The following SPRED2 variants were observed in gnomAD, a reference collection of about 807,000 sequenced individuals.
The protein encoded by SPRED2 is sprouty related EVH1 domain containing 2.
Under a neutral mutation model 43.0 loss-of-function variants are expected in SPRED2, and 47 were observed. The ratio of observed to expected loss-of-function variants is 1.09; its 90% CI spans 0.87 to 1.40. The LOEUF (loss-of-function observed/expected upper bound fraction) is 1.40. Among genes scored for constraint, SPRED2 ranks in the 40% most tolerant of loss-of-function variants. The probability of loss-of-function intolerance (pLI) is 0.00; values close to 1 mark genes in which losing one functional copy is unlikely to be tolerated. For missense variants in SPRED2, 561 were observed against 586.4 expected, an observed-to-expected ratio of 0.96 and a Z score of 0.45; for synonymous variants, 225 against 225.7, an observed-to-expected ratio of 1.00 and a Z score of 0.03.
At chr2:65,315,396 A>G (rs145596071) in intron 5 of SPRED2, among the ~76,000 whole-genome samples, 1 of 152,302 alleles carries the variant, frequency 6.6e-6, no homozygotes, top group East Asian at 1.9e-4. Flanking sequence ...CATCACAGTC[A>G]TTATCATATT....
chr2:65,378,434 C>A (rs1224598604), intron 1 of SPRED2, among the ~76,000 whole-genome samples: 3 of 152,168 alleles, frequency 2.0e-5, no homozygotes, highest in Non-Finnish European at 4.4e-5. Context: ...CAGTCCACCC[C>A]CTCCATACAA....
intron 1 of SPRED2, among the ~76,000 whole-genome samples, chr2:65,349,738 G>A (rs1273106949): frequency 1.3e-5 from 2 of 152,332 alleles, no homozygotes; most frequent in East Asian, 1.9e-4. Context: ...ACCCTTCTGT[G>A]TCCAGACTAC....
intron 5 of SPRED2, among the ~76,000 whole-genome samples, chr2:65,315,964 G>A (rs1673220854): frequency 6.6e-6 from 1 of 152,204 alleles, no homozygotes; most frequent in Non-Finnish European, 1.5e-5. Flanking sequence ...GGCCAATAAT[G>A]TGATTTTTAA....
At chr2:65,431,776 G>A (rs544845689) in intron 1 of SPRED2, among the ~76,000 whole-genome samples, 186 bp downstream of exon 1, 13 of 152,296 alleles carry the variant, frequency 8.5e-5, no homozygotes, top group East Asian at 7.8e-4. Context: ...CCGCCAGCCC[G>A]CAGCAGTTTT....
At chr2:65,342,166 A>G (rs12471377) in intron 2 of SPRED2, among the ~76,000 whole-genome samples, 186 of 147,498 alleles carry the variant, frequency 1.3e-3, no homozygotes, top group African/African-American at 1.8e-3. Flanking sequence ...TTTTATATAC[A>G]TATATTATGT....
At chr2:65,367,732 C>T (rs886496139) in intron 1 of SPRED2, among the ~76,000 whole-genome samples, 7 of 152,182 alleles carry the variant, frequency 4.6e-5, no homozygotes, top group Non-Finnish European at 8.8e-5. Flanking sequence ...GGACACAAGC[C>T]CTGGCTTCAT....
At chr2:65,413,747 T>TG (rs1304004054) in intron 1 of SPRED2, among the ~76,000 whole-genome samples, 5 of 152,184 alleles carry the variant, frequency 3.3e-5, no homozygotes, top group Admixed American at 6.5e-5. Context: ...TTTCAGTCCC[T>TG]GGGGGGTCTG....
intron 1 of SPRED2, among the ~76,000 whole-genome samples, chr2:65,388,692 C>G: frequency 6.6e-6 from 1 of 151,970 alleles, no homozygotes; most frequent in East Asian, 1.9e-4. Context: ...TGGTGAAAAG[C>G]AATTTTTCCC....
At chr2:65,361,698 C>T (rs557794137) in intron 1 of SPRED2, among the ~76,000 whole-genome samples, 8 of 152,288 alleles carry the variant, frequency 5.3e-5, no homozygotes, top group African/African-American at 1.9e-4. Context: ...TTACTCAAAG[C>T]AGGGAAAAAG....
At chr2:65,375,948 C>T (rs1266071933) in intron 1 of SPRED2, among the ~76,000 whole-genome samples, 1 of 152,158 alleles carries the variant, frequency 6.6e-6, no homozygotes, top group African/African-American at 2.4e-5. Context: ...GGGACCAGTT[C>T]AGCTCAGAGA....
At chr2:65,307,811 A>G (rs1186437419), downstream of SPRED2, among the ~76,000 whole-genome samples, 2 of 152,180 alleles carry the variant, frequency 1.3e-5, no homozygotes, top group Non-Finnish European at 2.9e-5. Flanking sequence ...CCTTCATTCC[A>G]TGCACCTAGT....
chr2:65,346,186 C>T (rs1003215444), intron 1 of SPRED2, among the ~76,000 whole-genome samples: 8 of 152,096 alleles, frequency 5.3e-5, no homozygotes, highest in African/African-American at 1.4e-4. Context: ...CCTCACTCAC[C>T]GCTAAAGGCA....
At chr2:65,340,029 T>A (rs1055128433) in intron 2 of SPRED2, among the ~76,000 whole-genome samples, 2 of 152,222 alleles carry the variant, frequency 1.3e-5, no homozygotes, top group African/African-American at 4.8e-5. Context: ...ATTAATGAGA[T>A]CTTCAAAAAC....
At chr2:65,307,549 CAAAA>C (rs55812957), downstream of SPRED2, among the ~76,000 whole-genome samples, 5 of 104,142 alleles carry the variant, frequency 4.8e-5, no homozygotes, top group Non-Finnish European at 7.9e-5. Flanking sequence ...AACCCCTTCT[CAAAA>C]AAAAAAAAAA....
chr2:65,307,383 A>G (rs184535216), downstream of SPRED2, among the ~76,000 whole-genome samples: 193 of 152,024 alleles, frequency 1.3e-3, 1 homozygote, highest in Non-Finnish European at 1.9e-3. Flanking sequence ...TTTAGTAGAG[A>G]TGGGGTTTCA....
At chr2:65,382,904 A>G (rs1451439803) in intron 1 of SPRED2, among the ~76,000 whole-genome samples, 1 of 152,174 alleles carries the variant, frequency 6.6e-6, no homozygotes, top group Non-Finnish European at 1.5e-5. Flanking sequence ...CAGTGGAGTC[A>G]CCTGGATCTC....
intron 1 of SPRED2, among the ~76,000 whole-genome samples, chr2:65,402,160 T>C (rs1675917241): frequency 6.6e-6 from 1 of 150,768 alleles, no homozygotes; most frequent in Non-Finnish European, 1.5e-5. Context: ...GCACCTGTAA[T>C]CACAGCTACT....
intron 2 of SPRED2, among the ~76,000 whole-genome samples, chr2:65,336,777 C>T (rs1352015849): frequency 2.0e-5 from 3 of 152,324 alleles, no homozygotes; most frequent in East Asian, 3.8e-4. Context: ...TATTTTCCAA[C>T]TTTGAAATTA....
At chr2:65,405,983 A>T (rs1218860409) in intron 1 of SPRED2, among the ~76,000 whole-genome samples, 1 of 152,034 alleles carries the variant, frequency 6.6e-6, no homozygotes, top group Non-Finnish European at 1.5e-5. Context: ...TCTTCCTGGC[A>T]CTCATTTGGA....
Sources: gnomAD v4.1 joint callset for allele counts (sites outside exome capture counted in the v4.1 genomes callset) on GRCh38, gnomAD v4.1.1 for gene constraint, MANE v1.5 for transcripts, NCBI Gene and HGNC (gene_info 2026-07-23, HGNC 2026-07-21) for gene names.